Variants in ATPAF2 observed in about 807,000 individuals in gnomAD.
ATPAF2 encodes ATP12 homolog.
ATPAF2 carries 30 observed loss-of-function variants against 36.6 expected under a neutral mutation model. The observed-to-expected ratio is 0.82, with a 90% CI of 0.61 to 1.11. The LOEUF is 1.11. Among genes scored for constraint, ATPAF2 ranks in the 50% most tolerant of loss-of-function variants. The pLI, the probability that ATPAF2 is intolerant of heterozygous loss-of-function variation, is 0.00. For synonymous variants in ATPAF2, 140 were observed against 152.6 expected (o/e 0.92, Z 0.61); for missense variants, 321 against 372.3 (o/e 0.86, Z 1.13).
At position 18,018,332 on chromosome 17, in the gene ATPAF2, A is replaced by G; in HGVS notation, c.*217T>C. ...GTCACTTGCACAATTCATCTCCTACATTCACTGCTGGCCAGGCCAGGGGCA... is the reference window on the plus strand; with the variant it reads ...GTCACTTGCACAATTCATCTCCTACGTTCACTGCTGGCCAGGCCAGGGGCA... On this transcript the variant is annotated 3_prime_UTR_variant, in exon 8 of 8. Transcript: ENST00000474627. 1 of 608,658 alleles carries G rather than the reference A, an allele frequency of 1.6e-6. No homozygotes were observed. The highest frequency in any genetic ancestry group is 2.8e-5 in the East Asian group (1 of 35,826). The allele number at this position is 608,658 out of a possible 1,614,324, so 37.7% of individuals were successfully genotyped here. A position where few individuals can be genotyped will look rare whatever the true frequency, so the allele number is the denominator to read the frequency against.
chr17:18,017,101 G>GGCGGAGGTT (rs1158191202), downstream of ATPAF2, among the ~76,000 whole-genome samples: 2 of 147,714 alleles, frequency 1.4e-5, no homozygotes, highest in Non-Finnish European at 3.0e-5. Context: ...GAACCTGGGA[G>GGCGGAGGTT]GCGGAGGTTG....
At chr17:18,015,959 C>A, downstream of ATPAF2, 1 of 1,255,476 alleles carries the variant, frequency 8.0e-7, no homozygotes, top group Non-Finnish European at 1.1e-6. Context: ...CTGAGTGTGG[C>A]CTGCACAGCC....
In ATPAF2 at chr17:18,019,141, A is replaced by AG. The variant is rs2044428367; in HGVS notation, c.733-456_733-455insC. 5.6e-5 allele frequency among the ~76,000 whole-genome samples: 7 copies of AG among 125,410 alleles called. 1 individual carries two copies. Among genetic ancestry groups the AG allele is most frequent in the African/African-American group, 2.2e-4 (7 of 32,486 alleles). 82.3% of individuals were successfully genotyped at this position (125,410 alleles called of 152,430 possible). ...GGCAACAGAGCAAGACCCTGTCTCA[A>AG]AAACACCACACACACACACACACAC... On this transcript the variant is annotated intron_variant, in intron 7 of 7. Coordinates refer to ENST00000474627, the MANE Select transcript of ATPAF2 (RefSeq NM_145691.4).
chr17:18,019,993 T>C (rs1271270006), intron 7 of ATPAF2, among the ~76,000 whole-genome samples: 1 of 152,206 alleles, frequency 6.6e-6, no homozygotes, highest in South Asian at 2.1e-4. Context: ...AGTTCTGACA[T>C]CCAGAGAATA....
At chr17:18,035,969 A>G (rs2044697562) in intron 1 of ATPAF2, among the ~76,000 whole-genome samples, 1 of 152,248 alleles carries the variant, frequency 6.6e-6, no homozygotes, top group African/African-American at 2.4e-5. Flanking sequence ...CTGAATAGAT[A>G]GGTTTCTCCA....
At chr17:18,030,185 G>A (rs2044606703) in intron 1 of ATPAF2, among the ~76,000 whole-genome samples, 1 of 151,884 alleles carries the variant, frequency 6.6e-6, no homozygotes, top group Non-Finnish European at 1.5e-5. Context: ...GCCAGGTGTG[G>A]TGGCACATGC....
chr17:18,016,726 G>A (rs1157426664), downstream of ATPAF2: 1 of 1,197,584 alleles, frequency 8.4e-7, no homozygotes, highest in Non-Finnish European at 1.2e-6. Context: ...CCAGCCAGGA[G>A]AAGGAAGTGC....
intron 1 of ATPAF2, among the ~76,000 whole-genome samples, chr17:18,033,492 A>G (rs948935268): frequency 1.3e-5 from 2 of 151,998 alleles, no homozygotes; most frequent in African/African-American, 2.4e-5. Flanking sequence ...CGGTGAATAC[A>G]TGGTTAGCAG....
chr17:18,016,624 A>G, downstream of ATPAF2: 4 of 1,613,900 alleles, frequency 2.5e-6, no homozygotes, highest in South Asian at 2.2e-5. Context: ...CATCGACCAC[A>G]TGCAGAGCGA....
chr17:18,028,459 G>C lies in ATPAF2; in HGVS notation c.179-82C>G. 5 of 1,584,810 alleles carry C rather than the reference G, an allele frequency of 3.2e-6. No individual in the cohort carries two copies. The South Asian group carries it at 5.6e-5, about 18-fold the overall frequency. ...TTCCTATATTTAGCCACTTGAATTG[G>C]TGCAGACAAAGCCAACTCTGAGTCC... On this transcript the variant is annotated intron_variant, in intron 2 of 7. Coordinates refer to ENST00000474627, the MANE Select transcript of ATPAF2 (RefSeq NM_145691.4).
intron 7 of ATPAF2, 31 bp downstream of exon 7, chr17:18,021,092 G>A (rs1356248477): frequency 6.3e-7 from 1 of 1,599,040 alleles, no homozygotes; most frequent in Non-Finnish European, 8.5e-7. Context: ...ACTAGGAAGG[G>A]GGAGGCGGGA....
In ATPAF2 at chr17:18,021,727, A is replaced by G. The variant is rs761399673; in HGVS notation, c.616+18T>C. On this transcript the variant is annotated intron_variant, in intron 6 of 7. Transcript: ENST00000474627. ...CTTCACAGCCACCTGCCAAGCCCAC[A>G]AGAAACTCCATACATGCCTTGTAAA... is the stretch of plus-strand genomic sequence containing the variant. 9 of 1,610,762 alleles carry G rather than the reference A, an allele frequency of 5.6e-6. No individual in the cohort carries two copies. In the Admixed American group the frequency reaches 1.3e-4, roughly 24 times the overall value.
chr17:18,026,323 T>C lies in ATPAF2; in HGVS notation c.418A>G (p.Ile140Val), dbSNP rs770220909. The change falls in exon 4 of 8, where the codon ATC (isoleucine) becomes GTC (valine). Residue 140 changes from isoleucine (I) to valine (V), a missense_variant. This residue lies in a region of ATPAF2 where 199 missense variants were observed against 220.6 expected (regional missense o/e 0.90). Coordinates refer to ENST00000474627, the MANE Select transcript of ATPAF2 (RefSeq NM_145691.4). ...GCCCATCTAAATGTCCATTACCAGA[T>C]GGTGTCGGTGTCCAGAAACTTCACG... ...AAVKFLDTDT[I>V]CYRVEEPETL... 26 of 1,613,832 alleles carry C rather than the reference T, an allele frequency of 1.6e-5. No individual in the cohort carries two copies. Among genetic ancestry groups the C allele is most frequent in the Admixed American group, 6.7e-5 (4 of 60,018 alleles).
intron 2 of ATPAF2, 100 bp from the exon 3 acceptor site, chr17:18,028,477 C>A (rs2044580073): frequency 6.4e-7 from 1 of 1,553,860 alleles, no homozygotes; most frequent in South Asian, 1.1e-5. Context: ...AAAGCCAACT[C>A]TGAGTCCCTT....
At chr17:18,031,721 A>G (rs941851939) in intron 1 of ATPAF2, among the ~76,000 whole-genome samples, 2 of 152,142 alleles carry the variant, frequency 1.3e-5, no homozygotes, top group African/African-American at 4.8e-5. Context: ...TGGAGCTTGC[A>G]GTGAGCTGAG....
At chr17:18,017,249 C>T (rs2044396380), downstream of ATPAF2, among the ~76,000 whole-genome samples, 1 of 148,634 alleles carries the variant, frequency 6.7e-6, no homozygotes, top group Non-Finnish European at 1.5e-5. Context: ...AGATGAACAG[C>T]CGGTCCCAGG....
At position 18,025,362 on chromosome 17, in the gene ATPAF2, G is replaced by A. The variant is rs547759178; in HGVS notation, c.423-658C>T. 11 of 160,252 alleles carry A rather than the reference G, an allele frequency of 6.9e-5. No homozygotes were observed. The East Asian group carries it at 2.0e-3, about 29-fold the overall frequency. The allele number at this position is 160,252 out of a possible 1,614,324, so 9.9% of individuals were successfully genotyped here. On this transcript the variant is annotated intron_variant, in intron 4 of 7. Transcript: ENST00000474627. ...AGAGACACAGACATGAGCCAGTTGAGAGGAGCTGAGCTGCAGGGCCTCATG... is the reference window on the plus strand; with the variant it reads ...AGAGACACAGACATGAGCCAGTTGAAAGGAGCTGAGCTGCAGGGCCTCATG...
At chr17:18,021,067 C>A (rs1006631501) in intron 7 of ATPAF2, 56 bp downstream of exon 7, 3 of 1,572,730 alleles carry the variant, frequency 1.9e-6, no homozygotes, top group Non-Finnish European at 2.6e-6. Flanking sequence ...AGCTGCTCCC[C>A]CAAAGTGAGT....
chr17:18,016,578 G>T (rs2044372083), downstream of ATPAF2: 4 of 1,613,738 alleles, frequency 2.5e-6, no homozygotes, highest in Non-Finnish European at 3.4e-6. Flanking sequence ...ATGAGATCAT[G>T]AGGAACCGCA....
Sources: gnomAD v4.1 joint callset for allele counts (sites outside exome capture counted in the v4.1 genomes callset) on GRCh38, gnomAD v4.1.1 for gene constraint, gnomAD v4.1.1 regional missense constraint, MANE v1.5 for transcripts, NCBI Gene and HGNC (gene_info 2026-07-23, HGNC 2026-07-21) for gene names.